SYT2: variants seen among roughly 807,000 people sequenced by gnomAD.
SYT2 encodes synaptotagmin 2, also known as synaptotagmin-2.
A neutral mutation model predicts 39.9 loss-of-function variants in SYT2; 15 were observed. That is an observed-to-expected ratio of 0.38 (90% CI 0.25 to 0.58). The LOEUF is 0.58. Among genes scored for constraint, SYT2 ranks in the 20% least tolerant of loss-of-function variants. The pLI, the probability that SYT2 is intolerant of heterozygous loss-of-function variation, is 0.70. For missense variants in SYT2, 389 were observed against 530.3 expected (o/e 0.73, Z 2.62); for synonymous variants, 181 against 204.5 (o/e 0.89, Z 0.98).
intron 8 of SYT2, among the ~76,000 whole-genome samples, chr1:202,597,270 G>A (rs528178042): frequency 1.3e-5 from 2 of 152,324 alleles, no homozygotes; most frequent in South Asian, 4.1e-4. Context: ...AATGAGATCA[G>A]CAGACATGTA....
intron 7 of SYT2, 68 bp downstream of exon 7, chr1:202,600,289 A>G: frequency 7.4e-7 from 1 of 1,347,942 alleles, no homozygotes; most frequent in Non-Finnish European, 1.1e-6. Context: ...GGAGTGTGCA[A>G]ACTCTGGGAC....
rs755269430 is a variant in SYT2, at chr1:202,649,323, G to C, written c.-17-43534C>G. Among the ~76,000 whole-genome samples, 110 of 152,238 alleles carry C rather than the reference G, an allele frequency of 7.2e-4. 1 individual carries two copies. The highest frequency in any genetic ancestry group is 9.2e-4 in the Admixed American group (14 of 15,288). On this transcript the variant is annotated intron_variant, in intron 1 of 8. Transcript: ENST00000367268. ...CTGGGGGAGGCAAGATTTCCTGCAA[G>C]AGCAAGTAGGTGCCTGGAGTTAATG...
At chr1:202,700,665 C>T (rs1654099351) in intron 1 of SYT2, among the ~76,000 whole-genome samples, 1 of 152,018 alleles carries the variant, frequency 6.6e-6, no homozygotes. Context: ...AGAAGGAGGC[C>T]TTGTTTCACA....
intron 1 of SYT2, among the ~76,000 whole-genome samples, chr1:202,677,904 A>G (rs1653416689): frequency 1.3e-5 from 2 of 152,214 alleles, no homozygotes; most frequent in South Asian, 2.1e-4. Flanking sequence ...GAATGTGTAC[A>G]TATATTATTT....
chr1:202,612,104 CGTTT>C (rs1481389595), intron 1 of SYT2, among the ~76,000 whole-genome samples: 1 of 152,134 alleles, frequency 6.6e-6, no homozygotes, highest in African/African-American at 2.4e-5. Flanking sequence ...CACATTCATT[CGTTT>C]GTATGTGGAT....
intron 1 of SYT2, among the ~76,000 whole-genome samples, chr1:202,645,870 C>G (rs1692070944): frequency 6.6e-6 from 1 of 152,176 alleles, no homozygotes; most frequent in Admixed American, 6.5e-5. Flanking sequence ...TCACTCAGAG[C>G]CCCCTCAGGC....
chr1:202,691,712 AGAGGGAGAGG>A (rs1432996244), intron 1 of SYT2, among the ~76,000 whole-genome samples: 2 of 39,968 alleles, frequency 5.0e-5, no homozygotes, highest in Non-Finnish European at 1.1e-4. Flanking sequence ...AGGGAGAGGG[AGAGGGAGAGG>A]GAGAGGGGGG....
chr1:202,709,757 C>T (rs1308798152), intron 1 of SYT2, among the ~76,000 whole-genome samples: 1 of 152,212 alleles, frequency 6.6e-6, no homozygotes, highest in Admixed American at 6.5e-5. Context: ...GGGTCTCCGG[C>T]TCCCAGCGCC....
At chr1:202,677,598 C>T (rs1480209311) in intron 1 of SYT2, among the ~76,000 whole-genome samples, 1 of 152,162 alleles carries the variant, frequency 6.6e-6, no homozygotes, top group East Asian at 1.9e-4. Flanking sequence ...TCCAGGGGCC[C>T]CAAAGAAACA....
Position 202,600,456 on chromosome 1 carries a change from T to C in SYT2, c.820A>G (p.Ile274Val). The stretch of plus-strand genomic sequence containing the variant: ...GGCACATAGCGCAGGGAGGTGCAGA[T>C]GTCGCCCAGCTTCTCCGGCTGTCCA... ...EKEEPEKLGD[I>V]CTSLRYVPTA... is the part of the protein sequence containing the mutation. Residue 274 changes from isoleucine to valine, a missense_variant, in exon 7 of 9, where the codon ATC (isoleucine) becomes GTC (valine). By Grantham distance (29) the Ile-to-Val change is conservative (BLOSUM62 3). Transcript: ENST00000367268. 6.2e-7 allele frequency: 1 copy of C among 1,614,188 alleles called. No homozygotes were observed. Among genetic ancestry groups the C allele is most frequent in the South Asian group, 1.1e-5 (1 of 91,080 alleles).
intron 1 of SYT2, among the ~76,000 whole-genome samples, chr1:202,663,931 C>T (rs1427738508): frequency 6.6e-6 from 1 of 152,148 alleles, no homozygotes; most frequent in African/African-American, 2.4e-5. Flanking sequence ...GTTCCTCCCC[C>T]AGATGTAAGG....
At chr1:202,617,530 A>G (rs771576782) in intron 1 of SYT2, among the ~76,000 whole-genome samples, 20 of 152,196 alleles carry the variant, frequency 1.3e-4, no homozygotes, top group Non-Finnish European at 1.9e-4. Flanking sequence ...CTTCGAGCCA[A>G]TTAAACCTCT....
intron 4 of SYT2, among the ~76,000 whole-genome samples, chr1:202,602,773 T>G (rs1260302469): frequency 6.6e-6 from 1 of 152,158 alleles, no homozygotes; most frequent in Non-Finnish European, 1.5e-5. Flanking sequence ...CCAAGGTTGG[T>G]GGGGAGGTTA....
At chr1:202,632,592 T>A (rs1691624495) in intron 1 of SYT2, 2 of 985,124 alleles carry the variant, frequency 2.0e-6, no homozygotes, top group South Asian at 9.4e-5. Flanking sequence ...AGGAGGGTGT[T>A]CCCAGGCATT....
At position 202,614,512 on chromosome 1, in the gene SYT2, T is replaced by C. The variant is rs1460606339; in HGVS notation, c.-17-8723A>G. Reference sequence around the variant, plus strand: ...AGTATTTACTGAGCTCATATCATGCTTCCCTCATGGAATTTACCATGCACT... The same window carrying C: ...AGTATTTACTGAGCTCATATCATGCCTCCCTCATGGAATTTACCATGCACT... On this transcript the variant is annotated intron_variant, in intron 1 of 8. Transcript: ENST00000367268. This position sits in a 1 kb window ranked among gnomAD's most constrained non-coding sequence, Gnocchi z 4.0. Among the ~76,000 whole-genome samples the C allele has an allele frequency of 6.6e-6, 1 of 152,238 alleles. No individual in the cohort carries two copies. The highest frequency in any genetic ancestry group is 2.4e-5 in the African/African-American group (1 of 41,474).
At chr1:202,705,516 G>A (rs147365708) in intron 1 of SYT2, among the ~76,000 whole-genome samples, 2 of 152,326 alleles carry the variant, frequency 1.3e-5, no homozygotes, top group Non-Finnish European at 2.9e-5. Flanking sequence ...ACAGCAGCAG[G>A]TAACCCCCCT....
At chr1:202,654,288 C>T (rs2149103263) in intron 1 of SYT2, among the ~76,000 whole-genome samples, 1 of 152,278 alleles carries the variant, frequency 6.6e-6, no homozygotes, top group East Asian at 1.9e-4. Context: ...GTCACGTGAC[C>T]CAAGAAGGCA....
At chr1:202,690,911 A>T (rs558185531) in intron 1 of SYT2, among the ~76,000 whole-genome samples, 2 of 152,120 alleles carry the variant, frequency 1.3e-5, no homozygotes, top group South Asian at 4.2e-4. Context: ...TGTGCCCTGG[A>T]ACTGCTCCCG....
intron 1 of SYT2, chr1:202,636,386 A>G (rs1457238822): frequency 5.1e-6 from 5 of 985,278 alleles, no homozygotes; most frequent in Non-Finnish European, 6.0e-6. Flanking sequence ...CAGAGCAGGG[A>G]GAGGGAGAGG....
Sources: allele counts gnomAD v4.1 joint callset (sites outside exome capture counted in the v4.1 genomes callset), GRCh38; gene constraint gnomAD v4.1.1; non-coding constraint Gnocchi (gnomAD v3.1); transcripts MANE v1.5; gene names NCBI Gene and HGNC (gene_info 2026-07-23, HGNC 2026-07-21).